The following MCPH1 variants were observed in gnomAD, a reference collection of about 807,000 sequenced individuals.
MCPH1 encodes microcephalin.
A neutral mutation model predicts 84.5 loss-of-function variants in MCPH1; 104 were observed. The observed-to-expected ratio is 1.23, with a 90% CI of 1.05 to 1.45. The LOEUF is 1.45. Among genes scored for constraint, MCPH1 ranks in the 40% most tolerant of loss-of-function variants. The pLI, the probability that MCPH1 is intolerant of heterozygous loss-of-function variation, is 0.00. For missense variants in MCPH1, 1,498 were observed against 1,005.7 expected (o/e 1.49, Z -6.62); for synonymous variants, 514 against 366.8 (o/e 1.40, Z -4.58).
At chr8:6,482,021 C>T (rs912368054) in intron 11 of MCPH1, among the ~76,000 whole-genome samples, 19 of 152,156 alleles carry the variant, frequency 1.2e-4, no homozygotes, top group African/African-American at 4.6e-4. Context: ...GTGAATCGTC[C>T]TTCAGTCCAG....
chr8:6,514,615 G>A (rs1458774472), intron 12 of MCPH1: 1 of 1,454,442 alleles, frequency 6.9e-7, no homozygotes, highest in Non-Finnish European at 9.6e-7. Flanking sequence ...AGGTTCCGCA[G>A]ATCTTGAAAG....
intron 9 of MCPH1, among the ~76,000 whole-genome samples, chr8:6,470,715 C>T (rs188557835): frequency 1.1e-3 from 169 of 152,382 alleles, no homozygotes; most frequent in Admixed American, 1.6e-3. Flanking sequence ...GGCCTCCAAA[C>T]GATGCCCTGC....
At chr8:6,471,827 G>C (rs778978157) in intron 9 of MCPH1, among the ~76,000 whole-genome samples, 2 of 152,224 alleles carry the variant, frequency 1.3e-5, no homozygotes, top group African/African-American at 4.8e-5. Flanking sequence ...CCTCTTGGTC[G>C]AAGGTAAGTC....
At chr8:6,506,635 G>C (rs781594757) in intron 12 of MCPH1, among the ~76,000 whole-genome samples, 3 of 152,120 alleles carry the variant, frequency 2.0e-5, no homozygotes, top group Non-Finnish European at 2.9e-5. Context: ...CTTTAAAAAG[G>C]ATGATTGTGC....
chr8:6,502,941 A>G lies in MCPH1; in HGVS notation c.2214+3012A>G, dbSNP rs982001167. 79 of 770,326 alleles carry G rather than the reference A, an allele frequency of 1.0e-4. No individual in the cohort carries two copies. The African/African-American group carries it at 1.3e-3, about 13-fold the overall frequency. 47.7% of individuals were successfully genotyped at this position (770,326 alleles called of 1,614,324 possible). ...GTTAAGTGATGCAAGTTTAAGTGATAAAGTTTACAGGCTCTAATCTGGAGC... is the reference window on the plus strand; with the variant it reads ...GTTAAGTGATGCAAGTTTAAGTGATGAAGTTTACAGGCTCTAATCTGGAGC... On this transcript the variant is annotated intron_variant, in intron 12 of 13. Transcript: ENST00000344683.
intron 4 of MCPH1, among the ~76,000 whole-genome samples, chr8:6,433,066 G>A (rs909385284): frequency 6.6e-6 from 1 of 152,106 alleles, no homozygotes; most frequent in African/African-American, 2.4e-5. Flanking sequence ...TGTATCATTT[G>A]GTGAGTTGCC....
intron 6 of MCPH1, among the ~76,000 whole-genome samples, chr8:6,441,526 C>G (rs149868069): frequency 1.3e-5 from 2 of 152,146 alleles, no homozygotes; most frequent in African/African-American, 4.8e-5. Context: ...ATAATACTTA[C>G]GATCTTATTT....
chr8:6,520,027 T>C (rs1817014429), intron 12 of MCPH1: 1 of 1,607,506 alleles, frequency 6.2e-7, no homozygotes, highest in African/African-American at 1.3e-5. Context: ...TTAAACGGAG[T>C]TCATGAAAAG....
At chr8:6,532,273 C>A in intron 12 of MCPH1, 1 of 1,598,892 alleles carries the variant, frequency 6.3e-7, no homozygotes, top group Non-Finnish European at 8.5e-7. Context: ...GCTCCTGACG[C>A]GACTGAGTGC....
chr8:6,617,277 G>GTTTTTT (rs71213326), intron 12 of MCPH1: 4 of 114,642 alleles, frequency 3.5e-5, no homozygotes, highest in African/African-American at 1.1e-4. Context: ...TGTTTTTTTT[G>GTTTTTT]TTTTTTTTTT....
At chr8:6,561,411 A>G (rs766182514) in intron 12 of MCPH1, among the ~76,000 whole-genome samples, 1 of 152,242 alleles carries the variant, frequency 6.6e-6, no homozygotes, top group African/African-American at 2.4e-5. Flanking sequence ...TCAAATAATA[A>G]CTTAGTCGTT....
intron 12 of MCPH1, among the ~76,000 whole-genome samples, chr8:6,552,864 G>T (rs1015783354): frequency 6.6e-6 from 1 of 151,812 alleles, no homozygotes; most frequent in African/African-American, 2.4e-5. Context: ...AGTCCGAAAA[G>T]GCTGTATATT....
intron 13 of MCPH1, among the ~76,000 whole-genome samples, chr8:6,633,488 G>A (rs1050960530): frequency 5.3e-5 from 8 of 152,098 alleles, no homozygotes; most frequent in South Asian, 4.2e-4. Flanking sequence ...GAAATGCTCC[G>A]ATATCTTAAA....
In MCPH1 at chr8:6,457,688, G is replaced by T. The variant is rs1056721727; in HGVS notation, c.1935+2436G>T. Among the ~76,000 whole-genome samples, 8 of 152,112 alleles carry T rather than the reference G, an allele frequency of 5.3e-5. No individual in the cohort carries two copies. The East Asian group carries it at 1.5e-3, about 29-fold the overall frequency. ...GCTCCCGACCCCAGTGCGGCACCCC[G>T]TCCTTAACGTGGAGGGGACGAACAC... On this transcript the variant is annotated intron_variant, in intron 9 of 13. Transcript: ENST00000344683.
At chr8:6,430,765 A>G (rs1006605567) in intron 3 of MCPH1, among the ~76,000 whole-genome samples, 1 of 152,236 alleles carries the variant, frequency 6.6e-6, no homozygotes, top group Non-Finnish European at 1.5e-5. Context: ...TGGGAGTGAC[A>G]GAAGGTTTTT....
At chr8:6,487,872 A>C (rs1222610970) in intron 11 of MCPH1, among the ~76,000 whole-genome samples, 1 of 152,248 alleles carries the variant, frequency 6.6e-6, no homozygotes, top group Non-Finnish European at 1.5e-5. Context: ...AGGACGCTGC[A>C]AATAATTAGT....
intron 12 of MCPH1, among the ~76,000 whole-genome samples, chr8:6,543,307 T>G (rs1821941075): frequency 6.6e-6 from 1 of 152,182 alleles, no homozygotes; most frequent in Non-Finnish European, 1.5e-5. Context: ...CGTCCGCAAA[T>G]GTGTTTGTAC....
In MCPH1 at chr8:6,414,824, C is replaced by G. The variant is rs764660780; in HGVS notation, c.174C>G (p.Ser58Arg). 4 of 1,613,770 alleles carry G rather than the reference C, an allele frequency of 2.5e-6. No individual in the cohort carries two copies. The highest frequency in any genetic ancestry group is 3.4e-6 in the Non-Finnish European group (4 of 1,179,832). The part of the protein sequence containing the change: ...THVIFKDGYQ[S>R]TWDKAQKRGV... ...TTATCTTCAAAGATGGCTACCAGAG[C>G]ACTTGGGACAAAGCTCAGAAGAGAG... The change falls in exon 3 of 14, where the codon AGC (serine) becomes AGG (arginine). Residue 58 changes from serine (S) to arginine (R), a missense_variant. Ser to Arg is a moderately radical substitution (Grantham distance 110). Transcript: ENST00000344683.
chr8:6,595,865 G>C (rs1828889047), intron 12 of MCPH1, among the ~76,000 whole-genome samples: 1 of 152,206 alleles, frequency 6.6e-6, no homozygotes, highest in South Asian at 2.1e-4. Flanking sequence ...CTTTACAGAT[G>C]ACGAAGCATC....
Sources: allele counts gnomAD v4.1 joint callset (sites outside exome capture counted in the v4.1 genomes callset), GRCh38; gene constraint gnomAD v4.1.1; transcripts MANE v1.5; gene names NCBI Gene and HGNC (gene_info 2026-07-23, HGNC 2026-07-21).